ERBB4: variants seen among roughly 807,000 people sequenced by gnomAD.
The protein encoded by ERBB4 is erb-b2 receptor tyrosine kinase 4.
ERBB4 carries 42 observed loss-of-function variants against 158.0 expected under a neutral mutation model. The ratio of observed to expected loss-of-function variants is 0.27; its 90% CI spans 0.21 to 0.34. ERBB4 has a LOEUF of 0.34. ERBB4 is among the 10% of genes least tolerant of loss of function. The pLI is 1.00. For synonymous variants in ERBB4, 583 were observed against 558.7 expected (o/e 1.04, Z -0.61); for missense variants, 1,333 against 1,624.1 (o/e 0.82, Z 3.08).
intron 12 of ERBB4, among the ~76,000 whole-genome samples, chr2:211,700,236 A>G (rs2073185393): frequency 6.6e-6 from 1 of 152,170 alleles, no homozygotes; most frequent in Non-Finnish European, 1.5e-5. Context: ...ACACACACAT[A>G]TTGTGATATG....
chr2:212,012,418 T>C (rs953458823), intron 2 of ERBB4, among the ~76,000 whole-genome samples: 1 of 145,110 alleles, frequency 6.9e-6, no homozygotes, highest in Non-Finnish European at 1.5e-5. Context: ...GAACTGCATT[T>C]TTTTTTTTTT....
chr2:212,245,411 G>A (rs1041906825), intron 1 of ERBB4, among the ~76,000 whole-genome samples: 2 of 151,920 alleles, frequency 1.3e-5, no homozygotes, highest in African/African-American at 2.4e-5. Context: ...TTTGATAATC[G>A]AATGGAAGCT....
In ERBB4 at chr2:211,889,303, C is replaced by A. The variant is rs10183321; in HGVS notation, c.421+58127G>T. On this transcript the variant is annotated intron_variant, in intron 3 of 27. Coordinates refer to ENST00000342788, the MANE Select transcript of ERBB4 (RefSeq NM_005235.3). ...AGCCGGGGCACACTGACACCTCACA[C>A]GGCAGGGTATTCCAACAGACCTGCA... is the stretch of plus-strand genomic sequence containing the variant. Among the ~76,000 whole-genome samples, 8 of 143,642 alleles carry A rather than the reference C, an allele frequency of 5.6e-5. No homozygotes were observed. The South Asian group carries it at 6.5e-4, about 12-fold the overall frequency. 94.2% of individuals were successfully genotyped at this position (143,642 alleles called of 152,430 possible). A position where few individuals can be genotyped will look rare whatever the true frequency, so the allele number is the denominator to read the frequency against.
intron 3 of ERBB4, among the ~76,000 whole-genome samples, chr2:211,900,858 T>C (rs2079216205): frequency 6.6e-6 from 1 of 152,152 alleles, no homozygotes; most frequent in Non-Finnish European, 1.5e-5. Flanking sequence ...TTATTCTACA[T>C]AGAGTGGCAT....
At chr2:212,406,408 T>A (rs1259329915) in intron 1 of ERBB4, among the ~76,000 whole-genome samples, 1 of 152,134 alleles carries the variant, frequency 6.6e-6, no homozygotes, top group Non-Finnish European at 1.5e-5. Context: ...CCACTCAGTC[T>A]GGGATGATGA....
At chr2:211,722,170 G>A (rs2074120000) in intron 7 of ERBB4, among the ~76,000 whole-genome samples, 1 of 152,048 alleles carries the variant, frequency 6.6e-6, no homozygotes, top group Non-Finnish European at 1.5e-5. Context: ...CACAGTAGGA[G>A]TTTTATAACC....
intron 2 of ERBB4, among the ~76,000 whole-genome samples, chr2:212,001,356 T>A (rs573079293): frequency 1.9e-4 from 29 of 152,300 alleles, no homozygotes; most frequent in African/African-American, 6.7e-4. Context: ...ACTATATCTT[T>A]CCTAAGTAAT....
intron 18 of ERBB4, among the ~76,000 whole-genome samples, chr2:211,619,805 T>C (rs768380896): frequency 1.3e-5 from 2 of 152,164 alleles, no homozygotes; most frequent in African/African-American, 2.4e-5. Flanking sequence ...TTTTCAAGAA[T>C]GAATATTTAA....
chr2:212,396,836 A>C (rs980858290), intron 1 of ERBB4, among the ~76,000 whole-genome samples: 1 of 152,162 alleles, frequency 6.6e-6, no homozygotes, highest in Non-Finnish European at 1.5e-5. Context: ...CCACAGAGGA[A>C]GATAAAGTTT....
chr2:211,855,098 A>C (rs1331176084), intron 3 of ERBB4, among the ~76,000 whole-genome samples: 1 of 152,050 alleles, frequency 6.6e-6, no homozygotes, highest in African/African-American at 2.4e-5. Context: ...CTGATTAGTA[A>C]TTATGTTGGG....
intron 16 of ERBB4, among the ~76,000 whole-genome samples, chr2:211,652,493 A>C (rs2071030347): frequency 6.6e-6 from 1 of 151,678 alleles, no homozygotes; most frequent in East Asian, 1.9e-4. Flanking sequence ...GGGGCAAAAC[A>C]AACAAGGAAA....
At chr2:212,230,553 T>G (rs2083627698) in intron 1 of ERBB4, among the ~76,000 whole-genome samples, 1 of 152,184 alleles carries the variant, frequency 6.6e-6, no homozygotes, top group Non-Finnish European at 1.5e-5. Flanking sequence ...GTAATTACTG[T>G]TTTAAAATGT....
chr2:211,997,163 T>G (rs1229025114), intron 2 of ERBB4, among the ~76,000 whole-genome samples: 1 of 152,164 alleles, frequency 6.6e-6, no homozygotes, highest in East Asian at 1.9e-4. Flanking sequence ...ACTGCAAATG[T>G]AGATGAGTGT....
chr2:211,790,456 A>G (rs922927099), intron 3 of ERBB4, among the ~76,000 whole-genome samples: 5 of 152,102 alleles, frequency 3.3e-5, no homozygotes, highest in African/African-American at 1.2e-4. Flanking sequence ...AATTTTTCAA[A>G]TAGAATCAGA....
intron 19 of ERBB4, among the ~76,000 whole-genome samples, chr2:211,570,389 C>T (rs2067687430): frequency 7.7e-6 from 1 of 130,718 alleles, no homozygotes; most frequent in African/African-American, 2.8e-5. Context: ...TGGTCTCAAA[C>T]TCCTGACCTC....
chr2:212,488,726 T>C (rs1690112196), intron 1 of ERBB4, among the ~76,000 whole-genome samples: 1 of 151,670 alleles, frequency 6.6e-6, no homozygotes, highest in African/African-American at 2.4e-5. Flanking sequence ...ACCACAGAAA[T>C]ACTCTCTGCT....
intron 12 of ERBB4, among the ~76,000 whole-genome samples, chr2:211,689,406 C>T (rs190559439): frequency 7.4e-4 from 112 of 152,138 alleles, no homozygotes; most frequent in Admixed American, 3.7e-3. Context: ...ACTACGTTGC[C>T]CAGGCTGGTC....
chr2:212,398,472 C>T (rs558163308), intron 1 of ERBB4, among the ~76,000 whole-genome samples: 3 of 152,062 alleles, frequency 2.0e-5, no homozygotes, highest in African/African-American at 7.2e-5. Flanking sequence ...TTCATCCTAA[C>T]AAACACGCTC....
intron 7 of ERBB4, among the ~76,000 whole-genome samples, chr2:211,718,616 A>G (rs11902173): frequency 0.027 from 4,098 of 152,316 alleles, 185 homozygotes; most frequent in African/African-American, 0.091. Context: ...TCAGCCATCA[A>G]CATAGACAAT....
Sources: gnomAD v4.1 joint callset for allele counts (sites outside exome capture counted in the v4.1 genomes callset) on GRCh38, gnomAD v4.1.1 for gene constraint, MANE v1.5 for transcripts, NCBI Gene and HGNC (gene_info 2026-07-23, HGNC 2026-07-21) for gene names.